Variants in DIP2B observed in about 807,000 individuals in gnomAD.
The protein encoded by DIP2B is DIP2 acetate--CoA ligase B (putative).
Under a neutral mutation model 198.0 loss-of-function variants are expected in DIP2B, and 76 were observed. The observed-to-expected ratio is 0.38, with a 90% CI of 0.32 to 0.46. The LOEUF is 0.46. DIP2B is among the 20% of genes least tolerant of loss of function. DIP2B has a pLI of 0.99. For synonymous variants in DIP2B, 701 were observed against 739.1 expected, an observed-to-expected ratio of 0.95 and a Z score of 0.84; for missense variants, 1,559 against 1,978.4, an observed-to-expected ratio of 0.79 and a Z score of 4.02.
rs548933346 is a variant in DIP2B, at chr12:50,519,306, G to A, written c.100+14066G>A. 2.0e-5 allele frequency among the ~76,000 whole-genome samples: 3 copies of A among 151,992 alleles called. No homozygotes were observed. The East Asian group carries it at 5.8e-4, about 29-fold the overall frequency. On this transcript the variant is annotated intron_variant, in intron 1 of 37. Transcript: ENST00000301180. ...TTTAGAGATGGGGTCTCACTGTATT[G>A]CCCAGGTTCGCCTTAAACTCCTGGG...
At position 50,504,995 on chromosome 12, in the gene DIP2B, TG is replaced by T. The variant is rs1006250277; in HGVS notation, c.-145del. 5.5e-6 allele frequency: 3 copies of T among 542,644 alleles called. No individual in the cohort carries two copies. The highest frequency in any genetic ancestry group is 9.7e-6 in the Non-Finnish European group (3 of 309,508). 33.6% of individuals were successfully genotyped at this position (542,644 alleles called of 1,614,324 possible). A position where few individuals can be genotyped will look rare whatever the true frequency, so the allele number is the denominator to read the frequency against. On this transcript the variant is annotated 5_prime_UTR_variant, in exon 1 of 38. Coordinates refer to ENST00000301180, the MANE Select transcript of DIP2B (RefSeq NM_173602.3). ...GGGGCCGTCGCGCTCACGTGACCTTTGCTCATGGCGGCGGCGGCGGCGGCGG... is the reference window on the plus strand; with the variant it reads ...GGGGCCGTCGCGCTCACGTGACCTTTCTCATGGCGGCGGCGGCGGCGGCGG...
intron 1 of DIP2B, among the ~76,000 whole-genome samples, chr12:50,532,468 C>T (rs139851467): frequency 1.1e-4 from 17 of 152,136 alleles, no homozygotes; most frequent in South Asian, 2.1e-4. Flanking sequence ...TGAGCCAGAT[C>T]GCACCACAGC....
chr12:50,545,635 G>T (rs1246924744), intron 1 of DIP2B, among the ~76,000 whole-genome samples: 1 of 151,510 alleles, frequency 6.6e-6, no homozygotes, highest in Admixed American at 6.6e-5. Context: ...GGCCAGGCAT[G>T]GTTACTCACA....
intron 3 of DIP2B, among the ~76,000 whole-genome samples, chr12:50,654,356 C>CTTTT (rs762869779): frequency 1.5e-5 from 2 of 131,520 alleles, no homozygotes; most frequent in African/African-American, 5.6e-5. Flanking sequence ...TTCTTTCTTT[C>CTTTT]TTTTTTTTTT....
chr12:50,726,702 T>C (rs567752688), intron 28 of DIP2B, among the ~76,000 whole-genome samples: 4 of 151,092 alleles, frequency 2.6e-5, no homozygotes, highest in South Asian at 4.2e-4. Context: ...GATCTTGATA[T>C]GTTACCCAGG....
intron 1 of DIP2B, among the ~76,000 whole-genome samples, chr12:50,605,018 T>G (rs1010070819): frequency 6.6e-6 from 1 of 152,128 alleles, no homozygotes; most frequent in Non-Finnish European, 1.5e-5. Flanking sequence ...CATGATGAAT[T>G]GCTTAAAGAT....
intron 7 of DIP2B, 95 bp downstream of exon 7, chr12:50,675,543 A>G (rs1326116062): frequency 4.9e-6 from 6 of 1,226,460 alleles, no homozygotes. Flanking sequence ...AGAATGAACA[A>G]GACACAGTTC....
At chr12:50,596,304 A>G (rs1337744498) in intron 1 of DIP2B, among the ~76,000 whole-genome samples, 1 of 152,230 alleles carries the variant, frequency 6.6e-6, no homozygotes, top group African/African-American at 2.4e-5. Context: ...TTTTGACTGT[A>G]TGAGTTTGGT....
At chr12:50,618,244 G>A (rs1459330053) in intron 1 of DIP2B, among the ~76,000 whole-genome samples, 1 of 152,206 alleles carries the variant, frequency 6.6e-6, no homozygotes, top group African/African-American at 2.4e-5. Context: ...TTTGAAGAGT[G>A]AAGTAAATTG....
intron 1 of DIP2B, among the ~76,000 whole-genome samples, chr12:50,531,335 G>A (rs1593584309): frequency 6.6e-6 from 1 of 151,954 alleles, no homozygotes; most frequent in Non-Finnish European, 1.5e-5. Context: ...GGTGTGAGCC[G>A]CTGCACCCAG....
At chr12:50,618,862 C>T (rs1937751268) in intron 1 of DIP2B, among the ~76,000 whole-genome samples, 1 of 152,180 alleles carries the variant, frequency 6.6e-6, no homozygotes, top group Admixed American at 6.5e-5. Context: ...TCTCTCCTTG[C>T]TCCCATGGGA....
intron 1 of DIP2B, among the ~76,000 whole-genome samples, chr12:50,527,753 G>A (rs1958180006): frequency 6.6e-6 from 1 of 152,100 alleles, no homozygotes; most frequent in Admixed American, 6.5e-5. Context: ...GAAGAAACAT[G>A]ATTAAAATAA....
At chr12:50,699,871 AC>A (rs1939386503) in intron 19 of DIP2B, among the ~76,000 whole-genome samples, 10 of 19,080 alleles carry the variant, frequency 5.2e-4, no homozygotes, top group Admixed American at 4.1e-3. Flanking sequence ...TCAAACACAC[AC>A]ACACACACAC....
At chr12:50,723,407 T>G (rs904541219) in intron 27 of DIP2B, 84 bp downstream of exon 27, 7 of 1,568,018 alleles carry the variant, frequency 4.5e-6, no homozygotes, top group Non-Finnish European at 6.1e-6. Context: ...ATTTTCCAAT[T>G]TTGTTAAGTC....
intron 1 of DIP2B, among the ~76,000 whole-genome samples, chr12:50,525,359 A>G (rs796151412): frequency 0.14 from 59 of 428 alleles, no homozygotes; most frequent in East Asian, 0.46. Context: ...CTCCATCTCA[A>G]AAAAAAAAAA....
At chr12:50,655,377 T>C (rs181171487) in intron 3 of DIP2B, among the ~76,000 whole-genome samples, 12 of 152,264 alleles carry the variant, frequency 7.9e-5, no homozygotes, top group African/African-American at 2.9e-4. Context: ...CAAAGGTGGG[T>C]GGGATTGGGG....
intron 1 of DIP2B, among the ~76,000 whole-genome samples, chr12:50,512,417 C>T (rs949233426): frequency 1.3e-5 from 2 of 152,016 alleles, no homozygotes; most frequent in African/African-American, 4.8e-5. Flanking sequence ...TCAATGTATG[C>T]TCTTGTAGAG....
At chr12:50,589,585 G>C (rs1029190237) in intron 1 of DIP2B, among the ~76,000 whole-genome samples, 2 of 152,050 alleles carry the variant, frequency 1.3e-5, no homozygotes, top group African/African-American at 4.8e-5. Flanking sequence ...AGAAAATCTA[G>C]GGAAAGTGTT....
intron 25 of DIP2B, 90 bp from the exon 26 acceptor site, chr12:50,721,183 C>A: frequency 1.3e-6 from 2 of 1,513,454 alleles, no homozygotes; most frequent in Non-Finnish European, 1.8e-6. Flanking sequence ...AAAGCACAAG[C>A]CTTTCAGGTA....
Sources: gnomAD v4.1 joint callset for allele counts (sites outside exome capture counted in the v4.1 genomes callset) on GRCh38, gnomAD v4.1.1 for gene constraint, MANE v1.5 for transcripts, NCBI Gene and HGNC (gene_info 2026-07-23, HGNC 2026-07-21) for gene names.